The following PALM2AKAP2 variants were observed in gnomAD, a reference collection of about 807,000 sequenced individuals.
PALM2AKAP2 encodes the protein PALM2-AKAP2 fusion protein.
PALM2AKAP2 carries 37 observed loss-of-function variants against 71.5 expected under a neutral mutation model. The ratio of observed to expected loss-of-function variants is 0.52; its 90% confidence interval spans 0.40 to 0.68. The LOEUF is 0.68. PALM2AKAP2 is among the 30% of genes least tolerant of loss of function. PALM2AKAP2 has a pLI of 0.00. For missense variants in PALM2AKAP2, 1,224 were observed against 1,191.8 expected (o/e 1.03, Z -0.40); for synonymous variants, 468 against 478.8 (o/e 0.98, Z 0.29).
chr9:109,954,234 T>G (rs1365927625), intron 6 of PALM2AKAP2, among the ~76,000 whole-genome samples: 2 of 152,166 alleles, frequency 1.3e-5, no homozygotes, highest in African/African-American at 4.8e-5. Flanking sequence ...TTGTTGCTGA[T>G]GATGGTATTG....
intron 1 of PALM2AKAP2, among the ~76,000 whole-genome samples, chr9:109,704,948 G>T (rs754549688): frequency 5.3e-5 from 8 of 152,194 alleles, no homozygotes; most frequent in Non-Finnish European, 1.0e-4. Context: ...GAGAACGTAG[G>T]TGTGGGCATC....
At chr9:110,070,692 C>T (rs1430686880) in intron 1 of PALM2AKAP2, among the ~76,000 whole-genome samples, 2 of 152,204 alleles carry the variant, frequency 1.3e-5, no homozygotes, top group African/African-American at 4.8e-5. Flanking sequence ...ACTCAGATGA[C>T]TCCATGCTGT....
At chr9:109,951,157 G>A (rs1419130500) in intron 6 of PALM2AKAP2, among the ~76,000 whole-genome samples, 1 of 149,880 alleles carries the variant, frequency 6.7e-6, no homozygotes, top group African/African-American at 2.5e-5. Context: ...CTCAGTGAAT[G>A]TAGGTTGTTG....
At chr9:109,755,245 T>G (rs1351688537) in intron 1 of PALM2AKAP2, among the ~76,000 whole-genome samples, 1 of 152,138 alleles carries the variant, frequency 6.6e-6, no homozygotes, top group Non-Finnish European at 1.5e-5. Context: ...CTCATTCAAC[T>G]GAAATCCAAA....
intron 1 of PALM2AKAP2, among the ~76,000 whole-genome samples, chr9:109,697,097 TC>T (rs2118565911): frequency 6.6e-6 from 1 of 152,226 alleles, no homozygotes; most frequent in Admixed American, 6.5e-5. Flanking sequence ...AGGTTGTGCT[TC>T]TAGAGAATCT....
chr9:110,038,849 G>A (rs1371390657), intron 7 of PALM2AKAP2, among the ~76,000 whole-genome samples: 1 of 148,644 alleles, frequency 6.7e-6, no homozygotes, highest in Non-Finnish European at 1.5e-5. Context: ...GCTGAGGCAG[G>A]AGAATTGCTT....
chr9:110,064,566 T>G (rs1834033915), intron 1 of PALM2AKAP2, among the ~76,000 whole-genome samples: 1 of 152,212 alleles, frequency 6.6e-6, no homozygotes, highest in African/African-American at 2.4e-5. Context: ...TGGTATGTCC[T>G]CAGCAGAAGC....
chr9:109,782,753 TG>T (rs1826850596), intron 1 of PALM2AKAP2, among the ~76,000 whole-genome samples: 2 of 145,760 alleles, frequency 1.4e-5, no homozygotes, highest in African/African-American at 5.6e-5. Context: ...TTTGTGTGTG[TG>T]TGTGTGTGTG....
At chr9:110,054,183 T>C (rs566065884) in intron 1 of PALM2AKAP2, among the ~76,000 whole-genome samples, 1 of 152,356 alleles carries the variant, frequency 6.6e-6, no homozygotes, top group African/African-American at 2.4e-5. Flanking sequence ...GTGAATCACC[T>C]GAGGTCGGGA....
At chr9:109,855,846 A>G (rs943242978) in intron 1 of PALM2AKAP2, among the ~76,000 whole-genome samples, 3 of 152,218 alleles carry the variant, frequency 2.0e-5, no homozygotes, top group African/African-American at 7.2e-5. Context: ...TGGGAGACTG[A>G]TGGAATTATA....
intron 1 of PALM2AKAP2, among the ~76,000 whole-genome samples, chr9:110,135,766 CA>C (rs1835849651): frequency 6.6e-6 from 1 of 152,210 alleles, no homozygotes; most frequent in Non-Finnish European, 1.5e-5. Flanking sequence ...TCTGTTCATA[CA>C]AAAGGACCTT....
rs538500954 is a variant in PALM2AKAP2 at position 109,722,703 on chromosome 9, T to C, written c.6-57785T>C. Among the ~76,000 whole-genome samples, 6 of 152,104 alleles carry C rather than the reference T, an allele frequency of 3.9e-5. 1 individual carries two copies. In the South Asian group the frequency reaches 6.2e-4, roughly 16 times the overall value. On this transcript the variant is annotated intron_variant, in intron 1 of 6. Coordinates refer to the PALM2AKAP2 transcript ENST00000374531. ...GGGGGGATCACTTGAACCCAGGAGG[T>C]TGAAGCCGTAGTGAGCCTTGGTTGC...
chr9:109,778,049 G>A (rs562532050), upstream of PALM2AKAP2, among the ~76,000 whole-genome samples: 8 of 152,120 alleles, frequency 5.3e-5, no homozygotes, highest in South Asian at 4.2e-4. Flanking sequence ...AATTTATTGC[G>A]GTTAAAAATA....
intron 1 of PALM2AKAP2, among the ~76,000 whole-genome samples, chr9:110,076,360 A>C (rs1252912059): frequency 6.6e-6 from 1 of 151,678 alleles, no homozygotes; most frequent in Non-Finnish European, 1.5e-5. Flanking sequence ...TGCAGTGAAC[A>C]TCCTTGTATT....
intron 1 of PALM2AKAP2, among the ~76,000 whole-genome samples, chr9:109,653,310 T>C (rs1287853579): frequency 6.6e-6 from 1 of 152,150 alleles, no homozygotes; most frequent in Non-Finnish European, 1.5e-5. Flanking sequence ...TATGAAGATT[T>C]GGTGGGCACT....
chr9:109,655,028 G>T (rs577200440), intron 1 of PALM2AKAP2, among the ~76,000 whole-genome samples: 22 of 152,184 alleles, frequency 1.4e-4, no homozygotes, highest in Non-Finnish European at 2.9e-4. Context: ...GGTGGCTCAC[G>T]CCTGTAATCC....
At chr9:109,782,483 G>A (rs1489719284) in intron 1 of PALM2AKAP2, among the ~76,000 whole-genome samples, 2 of 152,050 alleles carry the variant, frequency 1.3e-5, no homozygotes, top group African/African-American at 4.8e-5. Context: ...ACTTTTTCTT[G>A]TCACCATTCC....
chr9:109,772,576 G>A (rs1327793), intron 1 of PALM2AKAP2, among the ~76,000 whole-genome samples: 102,953 of 152,084 alleles, frequency 0.68, 35,737 homozygotes, highest in African/African-American at 0.81. Flanking sequence ...TCTTTTCTGC[G>A]TGTATTTAAG....
chr9:109,971,314 T>A (rs917716094), intron 6 of PALM2AKAP2, among the ~76,000 whole-genome samples: 3 of 118,326 alleles, frequency 2.5e-5, no homozygotes, highest in Admixed American at 9.3e-5. Context: ...TTTTTTTTTT[T>A]ACAGAGAAAA....
Sources: gnomAD v4.1 joint callset for allele counts (sites outside exome capture counted in the v4.1 genomes callset) on GRCh38, gnomAD v4.1.1 for gene constraint, MANE v1.5 for transcripts, NCBI Gene and HGNC (gene_info 2026-07-23, HGNC 2026-07-21) for gene names.